KDM4C: variants seen among roughly 807,000 people sequenced by gnomAD.
The protein encoded by KDM4C is lysine demethylase 4C, also known as lysine-specific demethylase 4C.
Under a neutral mutation model 129.3 loss-of-function variants are expected in KDM4C, and 81 were observed. The ratio of observed to expected loss-of-function variants is 0.63; its 90% CI spans 0.52 to 0.75. The LOEUF (loss-of-function observed/expected upper bound fraction) is 0.75. Among genes scored for constraint, KDM4C ranks in the 30% least tolerant of loss-of-function variants. The pLI is 0.00. For missense variants in KDM4C, 1,457 were observed against 1,304.0 expected, an observed-to-expected ratio of 1.12 and a Z score of -1.81; for synonymous variants, 573 against 456.1, an observed-to-expected ratio of 1.26 and a Z score of -3.26.
At chr9:6,848,092 C>G (rs907270662) in intron 4 of KDM4C, among the ~76,000 whole-genome samples, 1 of 151,842 alleles carries the variant, frequency 6.6e-6, no homozygotes, top group Non-Finnish European at 1.5e-5. Flanking sequence ...TGGGGTCTTG[C>G]CATGTTTCCC....
chr9:6,862,397 T>A (rs1484272742), intron 5 of KDM4C, among the ~76,000 whole-genome samples: 1 of 152,238 alleles, frequency 6.6e-6, no homozygotes, highest in Non-Finnish European at 1.5e-5. Flanking sequence ...TTTTTCAGTT[T>A]GCATGTTACT....
intron 9 of KDM4C, 138 bp downstream of exon 9, chr9:6,981,256 AT>A: frequency 1.6e-6 from 1 of 637,154 alleles, no homozygotes; most frequent in Non-Finnish European, 2.6e-6. Context: ...GTGAGACATT[AT>A]TTTTAATTCT....
chr9:6,784,851 A>G (rs976521977), intron 1 of KDM4C, among the ~76,000 whole-genome samples: 12 of 152,372 alleles, frequency 7.9e-5, no homozygotes, highest in Admixed American at 2.6e-4. Context: ...TTGTGGTTCA[A>G]TAACTGGGTA....
chr9:7,099,110 T>C (rs1163402843), intron 17 of KDM4C, among the ~76,000 whole-genome samples: 3 of 152,192 alleles, frequency 2.0e-5, no homozygotes, highest in Admixed American at 1.3e-4. Context: ...TTAGCTAATG[T>C]ATCATTATCA....
At chr9:7,054,732 A>G (rs753610484) in intron 17 of KDM4C, among the ~76,000 whole-genome samples, 1 of 152,234 alleles carries the variant, frequency 6.6e-6, no homozygotes, top group Non-Finnish European at 1.5e-5. Flanking sequence ...CACTTCCTGC[A>G]GCTTAAATTA....
intron 17 of KDM4C, among the ~76,000 whole-genome samples, chr9:7,062,987 C>G (rs986255167): frequency 2.0e-5 from 3 of 152,070 alleles, no homozygotes; most frequent in African/African-American, 7.2e-5. Context: ...GAAGCACAAA[C>G]TTTATGAAAC....
intron 8 of KDM4C, among the ~76,000 whole-genome samples, chr9:6,900,867 T>C (rs186263421): frequency 1.3e-5 from 2 of 152,216 alleles, no homozygotes; most frequent in African/African-American, 4.8e-5. Context: ...AAAGGACTTG[T>C]GTATAGAGAA....
chr9:6,835,201 G>A (rs1039935406), intron 4 of KDM4C: 51 of 919,684 alleles, frequency 5.5e-5, no homozygotes, highest in African/African-American at 4.6e-4. Flanking sequence ...CATCACCATC[G>A]GCAACGAGCA....
Position 6,980,922 on chromosome 9 carries a change from C to T in KDM4C, c.922-3C>T. 2 of 1,613,318 alleles carry T rather than the reference C, an allele frequency of 1.2e-6. No homozygotes were observed. The highest frequency in any genetic ancestry group is 1.7e-6 in the Non-Finnish European group (2 of 1,179,566). ...AACACTCTCCAACCCGGTTGTGTTTCAGTGCACTTGCAGGAAAGACATGGT... is the reference window on the plus strand; with the variant it reads ...AACACTCTCCAACCCGGTTGTGTTTTAGTGCACTTGCAGGAAAGACATGGT... On this transcript the variant is annotated splice_region_variant and splice_polypyrimidine_tract_variant and intron_variant, in intron 8 of 21. Coordinates refer to ENST00000381309, the MANE Select transcript of KDM4C (RefSeq NM_015061.6).
At chr9:6,886,246 C>A (rs1415064520) in intron 6 of KDM4C, among the ~76,000 whole-genome samples, 1 of 151,804 alleles carries the variant, frequency 6.6e-6, no homozygotes, top group African/African-American at 2.4e-5. Context: ...TAACCATAAG[C>A]AGAGGGCTGC....
intron 18 of KDM4C, among the ~76,000 whole-genome samples, chr9:7,123,177 T>G (rs1351002570): frequency 1.3e-5 from 2 of 152,226 alleles, no homozygotes; most frequent in Non-Finnish European, 2.9e-5. Flanking sequence ...TGGCCATTTT[T>G]CTAACCAGCC....
chr9:7,135,427 A>T (rs1841096175), intron 19 of KDM4C, among the ~76,000 whole-genome samples: 1 of 152,174 alleles, frequency 6.6e-6, no homozygotes, highest in African/African-American at 2.4e-5. Context: ...TTCAGCCTAA[A>T]GAATCAAAAT....
chr9:7,061,740 C>T (rs7040330), intron 17 of KDM4C, among the ~76,000 whole-genome samples: 80,806 of 151,798 alleles, frequency 0.53, 22,491 homozygotes, highest in Non-Finnish European at 0.62. Flanking sequence ...GCTAGTGTTC[C>T]AGAGACCCTC....
At chr9:6,911,385 A>G (rs1462059388) in intron 8 of KDM4C, among the ~76,000 whole-genome samples, 4 of 152,220 alleles carry the variant, frequency 2.6e-5, no homozygotes, top group African/African-American at 9.6e-5. Flanking sequence ...TATAAATATC[A>G]ATAATTCTTC....
chr9:6,933,370 C>G (rs1824116448), intron 8 of KDM4C, among the ~76,000 whole-genome samples: 1 of 152,156 alleles, frequency 6.6e-6, no homozygotes, highest in Admixed American at 6.5e-5. Flanking sequence ...TTTTAGCTAT[C>G]TACTACATGC....
chr9:6,750,113 T>A (rs1410494397), intron 1 of KDM4C, among the ~76,000 whole-genome samples: 1 of 150,754 alleles, frequency 6.6e-6, no homozygotes, highest in African/African-American at 2.4e-5. Flanking sequence ...ATTAAAATAA[T>A]GAACAAGAAT....
intron 15 of KDM4C, among the ~76,000 whole-genome samples, chr9:7,021,140 G>GTGTGTGTA (rs111565497): frequency 1.2e-4 from 17 of 146,952 alleles, no homozygotes; most frequent in African/African-American, 4.1e-4. Flanking sequence ...GTGTGTGTGT[G>GTGTGTGTA]TATATATATA....
intron 4 of KDM4C, among the ~76,000 whole-genome samples, chr9:6,816,654 G>A (rs1832151653): frequency 6.6e-6 from 1 of 152,076 alleles, no homozygotes; most frequent in African/African-American, 2.4e-5. Flanking sequence ...ATGTTTTCAA[G>A]TTTCCTTTGC....
At chr9:6,841,365 G>A (rs1418015394) in intron 4 of KDM4C, among the ~76,000 whole-genome samples, 1 of 152,160 alleles carries the variant, frequency 6.6e-6, no homozygotes, top group East Asian at 1.9e-4. Context: ...TGTTGTTGAG[G>A]ATGGAATATA....
Sources: gnomAD v4.1 joint callset for allele counts (sites outside exome capture counted in the v4.1 genomes callset) on GRCh38, gnomAD v4.1.1 for gene constraint, MANE v1.5 for transcripts, NCBI Gene and HGNC (gene_info 2026-07-23, HGNC 2026-07-21) for gene names.